ENOX1: variants seen among roughly 807,000 people sequenced by gnomAD.
ENOX1 encodes ecto-NOX disulfide-thiol exchanger 1, also known as candidate growth-related and time keeping constitutive hydroquinone (NADH) oxidase.
A neutral mutation model predicts 82.5 loss-of-function variants in ENOX1; 42 were observed. The observed-to-expected ratio is 0.51, with a 90% CI of 0.40 to 0.66. ENOX1 has a LOEUF of 0.66. Ranked by LOEUF, ENOX1 falls within the 30% of genes least tolerant of loss-of-function variation. The pLI is 0.00. For missense variants in ENOX1, 608 were observed against 811.6 expected (o/e 0.75, Z 3.05); for synonymous variants, 271 against 282.2 (o/e 0.96, Z 0.40).
chr13:43,608,070 C>T (rs147458819), intron 2 of ENOX1, among the ~76,000 whole-genome samples: 35 of 152,256 alleles, frequency 2.3e-4, no homozygotes, highest in African/African-American at 7.0e-4. Flanking sequence ...ACGATATCTT[C>T]CTTTGTTATG....
intron 1 of ENOX1, among the ~76,000 whole-genome samples, chr13:43,776,062 A>AT (rs1194231012): frequency 2.0e-5 from 3 of 152,214 alleles, no homozygotes; most frequent in African/African-American, 7.2e-5. Context: ...TGATAATACT[A>AT]TAAAAAGTAT....
intron 12 of ENOX1, among the ~76,000 whole-genome samples, chr13:43,288,339 A>C (rs1230835534): frequency 6.6e-6 from 1 of 152,198 alleles, no homozygotes; most frequent in Non-Finnish European, 1.5e-5. Flanking sequence ...TGCATTTCCC[A>C]CAGCCATATT....
At chr13:43,355,770 A>T in intron 8 of ENOX1, 149 bp downstream of exon 8, 1 of 821,452 alleles carries the variant, frequency 1.2e-6, no homozygotes, top group Non-Finnish European at 1.9e-6. Flanking sequence ...CTCTGTAAAG[A>T]GTCTGTGCTT....
At chr13:43,719,100 G>A (rs182099193) in intron 1 of ENOX1, among the ~76,000 whole-genome samples, 224 of 152,202 alleles carry the variant, frequency 1.5e-3, no homozygotes, top group African/African-American at 5.2e-3. Context: ...TGATCTAGAT[G>A]TAAGACAATC....
chr13:43,615,399 A>C (rs2153741789), intron 2 of ENOX1, among the ~76,000 whole-genome samples: 1 of 152,258 alleles, frequency 6.6e-6, no homozygotes, highest in African/African-American at 2.4e-5. Flanking sequence ...CAACAGGTGA[A>C]TCCAGCATGG....
chr13:43,500,464 A>G (rs1347336610), intron 2 of ENOX1, among the ~76,000 whole-genome samples: 1 of 152,124 alleles, frequency 6.6e-6, no homozygotes, highest in Non-Finnish European at 1.5e-5. Flanking sequence ...GTTGCCATCT[A>G]GAAATACTAT....
intron 1 of ENOX1, among the ~76,000 whole-genome samples, chr13:43,684,892 A>C (rs1463093630): frequency 6.6e-6 from 1 of 152,084 alleles, no homozygotes; most frequent in African/African-American, 2.4e-5. Flanking sequence ...CAGTCAAATC[A>C]AAAAAAATAA....
At chr13:43,378,457 A>G (rs1269575934) in intron 5 of ENOX1, among the ~76,000 whole-genome samples, 3 of 152,254 alleles carry the variant, frequency 2.0e-5, no homozygotes, top group African/African-American at 7.2e-5. Flanking sequence ...AACTACACTA[A>G]GCTAAAGAAA....
At chr13:43,775,520 T>C (rs1019474245) in intron 1 of ENOX1, among the ~76,000 whole-genome samples, 2 of 152,162 alleles carry the variant, frequency 1.3e-5, no homozygotes, top group African/African-American at 4.8e-5. Context: ...GTAGACCTGG[T>C]GGTGATCTGC....
intron 3 of ENOX1, among the ~76,000 whole-genome samples, chr13:43,465,080 C>T (rs973043867): frequency 2.0e-5 from 3 of 152,102 alleles, no homozygotes; most frequent in African/African-American, 7.2e-5. Context: ...TGATGTTAAC[C>T]TTGATCACCT....
chr13:43,555,612 C>T (rs1213533007), intron 2 of ENOX1, among the ~76,000 whole-genome samples: 1 of 152,176 alleles, frequency 6.6e-6, no homozygotes, highest in Non-Finnish European at 1.5e-5. Flanking sequence ...TAAATCATCA[C>T]ATCAAAGCCC....
At chr13:43,580,084 C>G (rs1031172221) in intron 2 of ENOX1, among the ~76,000 whole-genome samples, 1 of 152,152 alleles carries the variant, frequency 6.6e-6, no homozygotes, top group African/African-American at 2.4e-5. Context: ...AATCCAGGTG[C>G]AGACTTGAGA....
intron 5 of ENOX1, among the ~76,000 whole-genome samples, chr13:43,385,078 C>T (rs892830928): frequency 2.0e-5 from 3 of 151,994 alleles, no homozygotes; most frequent in Non-Finnish European, 2.9e-5. Flanking sequence ...GTGGTGGGTG[C>T]CCCGCTTTCT....
At chr13:43,756,820 T>C (rs552922336) in intron 1 of ENOX1, among the ~76,000 whole-genome samples, 1 of 152,008 alleles carries the variant, frequency 6.6e-6, no homozygotes, top group Non-Finnish European at 1.5e-5. Flanking sequence ...CACTGTGATT[T>C]AGGCAAAAGC....
chr13:43,355,842 G>A (rs2050112763), intron 8 of ENOX1, 77 bp downstream of exon 8: 4 of 1,375,134 alleles, frequency 2.9e-6, no homozygotes, highest in Non-Finnish European at 4.0e-6. Flanking sequence ...GACAATGGTG[G>A]ACGCAGGAGA....
intron 3 of ENOX1, among the ~76,000 whole-genome samples, chr13:43,474,077 A>G (rs1272648795): frequency 6.6e-6 from 1 of 152,146 alleles, no homozygotes. Flanking sequence ...GGTTTTTAAA[A>G]TTAATACAAG....
At chr13:43,394,813 T>G (rs1391199344) in intron 5 of ENOX1, 1 of 150,286 alleles carries the variant, frequency 6.7e-6, no homozygotes, top group African/African-American at 2.5e-5. Context: ...ATGAGGAAAG[T>G]GGCTGCCAAG....
At chr13:43,585,247 C>T (rs1034674222) in intron 2 of ENOX1, among the ~76,000 whole-genome samples, 5 of 152,168 alleles carry the variant, frequency 3.3e-5, no homozygotes, top group Non-Finnish European at 7.3e-5. Context: ...TGTGAACAGC[C>T]TTTAGGAGCT....
intron 1 of ENOX1, among the ~76,000 whole-genome samples, chr13:43,785,384 G>C (rs1466929782): frequency 2.0e-5 from 3 of 152,060 alleles, no homozygotes; most frequent in Non-Finnish European, 2.9e-5. Context: ...ACCCTCTTCA[G>C]ATCCCTTAAG....
Sources: gnomAD v4.1 joint callset for allele counts (sites outside exome capture counted in the v4.1 genomes callset) on GRCh38, gnomAD v4.1.1 for gene constraint, MANE v1.5 for transcripts, NCBI Gene and HGNC (gene_info 2026-07-23, HGNC 2026-07-21) for gene names.